EEPD1: variants seen among roughly 807,000 people sequenced by gnomAD.
EEPD1 encodes the protein endonuclease/exonuclease/phosphatase family domain-containing protein 1.
A neutral mutation model predicts 46.3 loss-of-function variants in EEPD1; 17 were observed. The observed-to-expected ratio is 0.37, with a 90% CI of 0.25 to 0.55. The LOEUF is 0.55. Ranked by LOEUF, EEPD1 falls within the 20% of genes least tolerant of loss-of-function variation. The probability of loss-of-function intolerance (pLI) is 0.83; values close to 1 mark genes in which losing one functional copy is unlikely to be tolerated. For missense variants in EEPD1, 673 were observed against 745.6 expected, an observed-to-expected ratio of 0.90 and a Z score of 1.13; for synonymous variants, 313 against 315.6, an observed-to-expected ratio of 0.99 and a Z score of 0.09.
At chr7:36,164,273 T>G (rs573253573) in intron 2 of EEPD1, among the ~76,000 whole-genome samples, 1 of 152,368 alleles carries the variant, frequency 6.6e-6, no homozygotes, top group Admixed American at 6.5e-5. Context: ...CAACTTATCT[T>G]TCTGCTCATG....
At chr7:36,222,473 A>T (rs1019512906) in intron 2 of EEPD1, among the ~76,000 whole-genome samples, 24 of 152,290 alleles carry the variant, frequency 1.6e-4, no homozygotes, top group Middle Eastern at 6.8e-3. Context: ...GCACAATTCA[A>T]ACCTGTATTG....
rs563692398 is a variant in EEPD1, at chr7:36,175,766, C to T, written c.878+20564C>T. ...AGCAGAATCATTCCCAGTTGAGAGC[C>T]GCTGCTCCAGAGCCATTTTAAAGGT... On this transcript the variant is annotated intron_variant, in intron 2 of 7. Coordinates refer to ENST00000242108, the MANE Select transcript of EEPD1 (RefSeq NM_030636.3). Among the ~76,000 whole-genome samples, 30 of 152,240 alleles carry T rather than the reference C, an allele frequency of 2.0e-4. No homozygotes were observed. The South Asian group carries it at 5.8e-3, about 29-fold the overall frequency.
intron 3 of EEPD1, among the ~76,000 whole-genome samples, chr7:36,248,166 C>A (rs938435766): frequency 5.3e-5 from 8 of 151,878 alleles, no homozygotes; most frequent in Non-Finnish European, 8.8e-5. Context: ...AAATGAATTA[C>A]TTCAAGAATC....
chr7:36,236,161 C>G (rs1480866055), intron 2 of EEPD1, among the ~76,000 whole-genome samples: 8 of 152,242 alleles, frequency 5.3e-5, no homozygotes, highest in Admixed American at 5.2e-4. Context: ...CTCGCTCACT[C>G]TCGGCTCCGC....
At chr7:36,191,333 C>G (rs1583798128) in intron 2 of EEPD1, among the ~76,000 whole-genome samples, 1 of 152,174 alleles carries the variant, frequency 6.6e-6, no homozygotes, top group Admixed American at 6.5e-5. Flanking sequence ...TAGGCTGAAG[C>G]CTTTGCAGAG....
chr7:36,257,658 G>A (rs1786848088), intron 3 of EEPD1, among the ~76,000 whole-genome samples: 1 of 152,086 alleles, frequency 6.6e-6, no homozygotes, highest in Non-Finnish European at 1.5e-5. Flanking sequence ...CTCATGCTGT[G>A]GTTTTCAGCT....
At chr7:36,265,566 T>C (rs1787001555) in intron 3 of EEPD1, among the ~76,000 whole-genome samples, 1 of 152,248 alleles carries the variant, frequency 6.6e-6, no homozygotes, top group African/African-American at 2.4e-5. Context: ...TAAATAATTA[T>C]TAATCCTTTC....
At chr7:36,192,029 G>A (rs989374655) in intron 2 of EEPD1, among the ~76,000 whole-genome samples, 3 of 152,114 alleles carry the variant, frequency 2.0e-5, no homozygotes, top group Non-Finnish European at 2.9e-5. Flanking sequence ...CCGCGTTGTC[G>A]AAACCCCATA....
At chr7:36,237,013 A>G (rs1278056863) in intron 2 of EEPD1, among the ~76,000 whole-genome samples, 2 of 152,184 alleles carry the variant, frequency 1.3e-5, no homozygotes. Context: ...CTTTGGTTCC[A>G]TGCTGCTGTA....
chr7:36,284,876 A>T, intron 5 of EEPD1, 56 bp downstream of exon 5: 1 of 1,432,372 alleles, frequency 7.0e-7, no homozygotes, highest in Non-Finnish European at 9.2e-7. Context: ...AAAAGGAAAG[A>T]AAAGGGCTCA....
At chr7:36,222,249 T>C (rs1472685364) in intron 2 of EEPD1, among the ~76,000 whole-genome samples, 1 of 152,150 alleles carries the variant, frequency 6.6e-6, no homozygotes, top group Non-Finnish European at 1.5e-5. Flanking sequence ...TTCTTACAAA[T>C]AAAGTAAACT....
intron 3 of EEPD1, among the ~76,000 whole-genome samples, chr7:36,248,535 CA>C (rs1786678685): frequency 1.5e-5 from 2 of 130,576 alleles, no homozygotes; most frequent in African/African-American, 5.9e-5. Context: ...TTTTTTTTTC[CA>C]AAAAAACACT....
chr7:36,258,371 G>A (rs940038693), intron 3 of EEPD1, among the ~76,000 whole-genome samples: 33 of 152,200 alleles, frequency 2.2e-4, no homozygotes, highest in Admixed American at 1.6e-3. Flanking sequence ...GAGATCCACT[G>A]CTCTCTTAAG....
chr7:36,156,100 G>T (rs1325559399), intron 2 of EEPD1, among the ~76,000 whole-genome samples: 11 of 152,170 alleles, frequency 7.2e-5, no homozygotes, highest in Non-Finnish European at 1.2e-4. Flanking sequence ...GAGGCGTTTT[G>T]CCCTGCCACC....
chr7:36,183,248 C>G (rs1354178875), intron 2 of EEPD1, among the ~76,000 whole-genome samples: 3 of 152,238 alleles, frequency 2.0e-5, no homozygotes, highest in East Asian at 1.9e-4. Flanking sequence ...AAACCCAGCT[C>G]TCTTGGCACA....
At chr7:36,229,599 C>T (rs1009242572) in intron 2 of EEPD1, among the ~76,000 whole-genome samples, 2 of 152,262 alleles carry the variant, frequency 1.3e-5, no homozygotes, top group Middle Eastern at 3.4e-3. Flanking sequence ...CCACTTCTCA[C>T]CCACTGAAAC....
intron 2 of EEPD1, among the ~76,000 whole-genome samples, chr7:36,164,033 A>G (rs1784943236): frequency 6.6e-6 from 1 of 152,182 alleles, no homozygotes; most frequent in South Asian, 2.1e-4. Flanking sequence ...AAGTATACTG[A>G]TATATAATGA....
At chr7:36,227,057 C>A (rs1421994202) in intron 2 of EEPD1, among the ~76,000 whole-genome samples, 1 of 151,770 alleles carries the variant, frequency 6.6e-6, no homozygotes, top group Non-Finnish European at 1.5e-5. Context: ...AAATATCTAC[C>A]CATCTTAAAG....
chr7:36,280,653 G>T (rs1460954623), intron 3 of EEPD1, among the ~76,000 whole-genome samples: 2 of 152,192 alleles, frequency 1.3e-5, no homozygotes, highest in Non-Finnish European at 2.9e-5. Context: ...CACTACGGTG[G>T]TTCAAGTTGA....
Sources: allele counts gnomAD v4.1 joint callset (sites outside exome capture counted in the v4.1 genomes callset), GRCh38; gene constraint gnomAD v4.1.1; transcripts MANE v1.5; gene names NCBI Gene and HGNC (gene_info 2026-07-23, HGNC 2026-07-21).